The following FUT8 variants were observed in gnomAD, a reference collection of about 807,000 sequenced individuals.
The protein encoded by FUT8 is alpha-(1,6)-fucosyltransferase.
In FUT8, 29 loss-of-function variants were observed where a neutral mutation model predicts 71.3. The observed-to-expected ratio is 0.41, with a 90% CI of 0.30 to 0.55. The LOEUF (loss-of-function observed/expected upper bound fraction) is 0.55, where lower values mean the gene tolerates loss of function less well. FUT8 is among the 20% of genes least tolerant of loss of function. The pLI, the probability that FUT8 is intolerant of heterozygous loss-of-function variation, is 0.34. For missense variants in FUT8, 544 were observed against 702.1 expected, an observed-to-expected ratio of 0.77 and a Z score of 2.55; for synonymous variants, 254 against 239.3, an observed-to-expected ratio of 1.06 and a Z score of -0.57.
At chr14:65,429,861 C>CAAAA (rs58941594) in intron 1 of FUT8, among the ~76,000 whole-genome samples, 3 of 81,006 alleles carry the variant, frequency 3.7e-5, no homozygotes, top group African/African-American at 1.0e-4. Context: ...GAGACTGTCT[C>CAAAA]AAAAAAAAAA....
chr14:65,717,785 C>T (rs910057398), intron 7 of FUT8, among the ~76,000 whole-genome samples: 27 of 151,360 alleles, frequency 1.8e-4, no homozygotes, highest in East Asian at 7.8e-4. Context: ...AGTTCCCAGA[C>T]GGGGCGGCCA....
Position 65,628,611 on chromosome 14 carries a change from G to A in FUT8, c.483-881G>A, listed in dbSNP as rs897496351. Reference sequence around the variant, plus strand: ...CTCTTGCTTTTTACTTTTCTTTCTTGCTAAATGCAAGTCATAATTTTTATT... The same window carrying A: ...CTCTTGCTTTTTACTTTTCTTTCTTACTAAATGCAAGTCATAATTTTTATT... On this transcript the variant is annotated intron_variant, in intron 5 of 10. Transcript: ENST00000673929. Among the ~76,000 whole-genome samples the A allele has an allele frequency of 2.6e-5, 4 of 152,086 alleles. No homozygotes were observed. In the East Asian group the frequency reaches 7.7e-4, roughly 29 times the overall value.
chr14:65,674,809 C>G (rs1402829343), intron 7 of FUT8, among the ~76,000 whole-genome samples: 1 of 152,164 alleles, frequency 6.6e-6, no homozygotes, highest in Non-Finnish European at 1.5e-5. Flanking sequence ...TCTGGTTGTG[C>G]AGGAGGCTAT....
intron 7 of FUT8, among the ~76,000 whole-genome samples, chr14:65,707,210 G>A (rs944852250): frequency 1.8e-4 from 28 of 152,142 alleles, no homozygotes; most frequent in African/African-American, 6.5e-4. Context: ...TAACAGGTGT[G>A]AGGTGATAAC....
At position 65,597,934 on chromosome 14, in the gene FUT8, T is replaced by C. The variant is rs574636839; in HGVS notation, c.204-18044T>C. 4.8e-4 allele frequency among the ~76,000 whole-genome samples: 73 copies of C among 152,206 alleles called. No individual in the cohort carries two copies. In the South Asian group the frequency reaches 0.015, roughly 32 times the overall value. On this transcript the variant is annotated intron_variant, in intron 3 of 10. Transcript: ENST00000673929. Reference sequence around the variant, plus strand: ...CTGTAATCCCAGCACTTTGGGAGGCTGAGGCGAGAGGATTGCTTGAGCGCA... The same window carrying C: ...CTGTAATCCCAGCACTTTGGGAGGCCGAGGCGAGAGGATTGCTTGAGCGCA...
At chr14:65,426,984 T>C (rs538067172) in intron 1 of FUT8, among the ~76,000 whole-genome samples, 17 of 151,960 alleles carry the variant, frequency 1.1e-4, no homozygotes, top group Non-Finnish European at 2.4e-4. Context: ...TCAGCCTCCC[T>C]AGTAGCTGGG....
chr14:65,373,998 G>C, the FUT8 span, among the ~76,000 whole-genome samples: 4 of 152,230 alleles, frequency 2.6e-5, no homozygotes, highest in African/African-American at 9.6e-5. Context: ...GTTTCAACCA[G>C]TCCTCCTGTT....
chr14:65,430,197 T>A (rs1180401540), intron 1 of FUT8: 1 of 141,562 alleles, frequency 7.1e-6, no homozygotes, highest in African/African-American at 2.6e-5. Flanking sequence ...TTTTTTTTTG[T>A]TTTTGATATT....
intron 5 of FUT8, among the ~76,000 whole-genome samples, chr14:65,618,049 ATATATG>A (rs1889391174): frequency 8.6e-6 from 1 of 116,048 alleles, no homozygotes; most frequent in Non-Finnish European, 1.8e-5. Context: ...ATATATATAT[ATATATG>A]TATGTATATA....
At chr14:65,640,308 C>G (rs2140294863) in intron 6 of FUT8, among the ~76,000 whole-genome samples, 1 of 151,788 alleles carries the variant, frequency 6.6e-6, no homozygotes, top group East Asian at 1.9e-4. Context: ...ATGGTAAATA[C>G]TAGAGCCAGT....
At chr14:65,685,386 A>T (rs1231102402) in intron 7 of FUT8, among the ~76,000 whole-genome samples, 1 of 152,218 alleles carries the variant, frequency 6.6e-6, no homozygotes, top group Non-Finnish European at 1.5e-5. Flanking sequence ...GATAGTTTGA[A>T]ATGGTAAATA....
chr14:65,370,201 CTTTTTTTTTTT>C, the FUT8 span, among the ~76,000 whole-genome samples: 1 of 58,442 alleles, frequency 1.7e-5, no homozygotes, highest in Non-Finnish European at 3.0e-5. Flanking sequence ...CACACATAGT[CTTTTTTTTTTT>C]TTTTTTTTTT....
At chr14:65,554,529 T>G (rs1034114108) in intron 2 of FUT8, among the ~76,000 whole-genome samples, 1 of 151,668 alleles carries the variant, frequency 6.6e-6, no homozygotes, top group African/African-American at 2.4e-5. Flanking sequence ...TTGAGGTGAA[T>G]AGTATTTATG....
intron 2 of FUT8, among the ~76,000 whole-genome samples, chr14:65,497,927 G>A (rs1027300319): frequency 5.9e-5 from 9 of 151,984 alleles, no homozygotes; most frequent in Non-Finnish European, 1.2e-4. Context: ...GGGGAAGGGA[G>A]CGATTTTCTG....
At chr14:65,361,873 C>T in the FUT8 span, among the ~76,000 whole-genome samples, 1 of 152,178 alleles carries the variant, frequency 6.6e-6, no homozygotes, top group African/African-American at 2.4e-5. Flanking sequence ...CAAGAATCCA[C>T]TTTTAGTGGC....
At chr14:65,512,603 A>G (rs1313722290) in intron 2 of FUT8, among the ~76,000 whole-genome samples, 1 of 151,842 alleles carries the variant, frequency 6.6e-6, no homozygotes, top group Admixed American at 6.6e-5. Flanking sequence ...CTTAGGTTTG[A>G]TTTTTGTTTG....
chr14:65,724,214 G>C lies in FUT8; in HGVS notation c.1150G>C (p.Val384Leu), dbSNP rs545502242. Residue 384 changes from valine to leucine, a missense_variant, in exon 9 of 11, where the codon GTG becomes CTG. Transcript: ENST00000673929. The part of the protein sequence containing the change: ...AAFHPIEEYM[V>L]HVEEHFQLLA... Reference sequence around the variant, plus strand: ...CTTCCATCCCATTGAAGAGTACATGGTGCATGTTGAAGAACATTTTCAGCT... The same window carrying C: ...CTTCCATCCCATTGAAGAGTACATGCTGCATGTTGAAGAACATTTTCAGCT... 1 of 1,613,590 alleles carries C rather than the reference G, an allele frequency of 6.2e-7. No individual in the cohort carries two copies. The highest frequency in any genetic ancestry group is 1.3e-5 in the African/African-American group (1 of 75,012).
At chr14:65,570,193 C>G (rs899615267) in intron 3 of FUT8, among the ~76,000 whole-genome samples, 3 of 152,024 alleles carry the variant, frequency 2.0e-5, no homozygotes, top group Non-Finnish European at 4.4e-5. Context: ...GCCATAGAAT[C>G]CAGCAAATCA....
chr14:65,453,721 G>GT (rs1289215486), intron 1 of FUT8, among the ~76,000 whole-genome samples: 1 of 152,164 alleles, frequency 6.6e-6, no homozygotes, highest in Non-Finnish European at 1.5e-5. Context: ...CCTGGAGGAT[G>GT]TTTTTTGTCT....
Sources: gnomAD v4.1 joint callset for allele counts (sites outside exome capture counted in the v4.1 genomes callset) on GRCh38, gnomAD v4.1.1 for gene constraint, MANE v1.5 for transcripts, NCBI Gene and HGNC (gene_info 2026-07-23, HGNC 2026-07-21) for gene names.